The following MACROD2 variants were observed in gnomAD, a reference collection of about 807,000 sequenced individuals.
MACROD2 encodes ADP-ribose glycohydrolase MACROD2.
A neutral mutation model predicts 70.4 loss-of-function variants in MACROD2; 36 were observed. That is an observed-to-expected ratio of 0.51 (90% CI 0.39 to 0.68). The LOEUF (loss-of-function observed/expected upper bound fraction) is 0.68, where lower values mean the gene tolerates loss of function less well. Among genes scored for constraint, MACROD2 ranks in the 30% least tolerant of loss-of-function variants. MACROD2 has a pLI of 0.00. For synonymous variants in MACROD2, 172 were observed against 178.8 expected, an observed-to-expected ratio of 0.96 and a Z score of 0.30; for missense variants, 496 against 538.4, an observed-to-expected ratio of 0.92 and a Z score of 0.78.
At chr20:14,687,094 A>G (rs2071011539) in intron 5 of MACROD2, among the ~76,000 whole-genome samples, 1 of 152,130 alleles carries the variant, frequency 6.6e-6, no homozygotes, top group African/African-American at 2.4e-5. Flanking sequence ...TTCATAATTT[A>G]CCTAACTTAC....
intron 3 of MACROD2, among the ~76,000 whole-genome samples, chr20:14,178,504 C>T (rs1400370849): frequency 6.6e-6 from 1 of 152,020 alleles, no homozygotes; most frequent in African/African-American, 2.4e-5. Flanking sequence ...CTTTTGTGTT[C>T]TGCTCATTTG....
At chr20:15,866,552 C>T (rs766653254) in intron 9 of MACROD2, among the ~76,000 whole-genome samples, 2 of 152,122 alleles carry the variant, frequency 1.3e-5, no homozygotes, top group Non-Finnish European at 2.9e-5. Flanking sequence ...AGCTAGGAAG[C>T]AACAGAGCTG....
At chr20:14,467,119 C>G (rs2084461720) in intron 3 of MACROD2, among the ~76,000 whole-genome samples, 1 of 152,144 alleles carries the variant, frequency 6.6e-6, no homozygotes, top group African/African-American at 2.4e-5. Context: ...TTGTCTGTGC[C>G]CTGCCCCCCA....
chr20:15,241,989 G>A (rs2077064126), intron 6 of MACROD2, among the ~76,000 whole-genome samples: 1 of 152,078 alleles, frequency 6.6e-6, no homozygotes, highest in South Asian at 2.1e-4. Context: ...TCCAAGGCAT[G>A]TATTAAATAT....
intron 5 of MACROD2, among the ~76,000 whole-genome samples, chr20:14,718,901 C>G (rs4814319): frequency 1.3e-5 from 2 of 151,914 alleles, no homozygotes; most frequent in African/African-American, 2.4e-5. Flanking sequence ...GAAAAGGCAG[C>G]CTCCTGTATA....
At chr20:15,170,236 A>G (rs1002139289) in intron 5 of MACROD2, among the ~76,000 whole-genome samples, 1 of 152,224 alleles carries the variant, frequency 6.6e-6, no homozygotes, top group African/African-American at 2.4e-5. Context: ...TGTATTGTTC[A>G]GGGTTCAATT....
intron 3 of MACROD2, among the ~76,000 whole-genome samples, chr20:14,189,641 A>G (rs1160304771): frequency 6.6e-6 from 1 of 152,216 alleles, no homozygotes; most frequent in Non-Finnish European, 1.5e-5. Flanking sequence ...GGTCAGACCC[A>G]TGATGGAATG....
chr20:14,055,632 A>G (rs2053623484), intron 2 of MACROD2, among the ~76,000 whole-genome samples: 1 of 152,094 alleles, frequency 6.6e-6, no homozygotes, highest in South Asian at 2.1e-4. Flanking sequence ...ATGAATGAGA[A>G]TGTCTTTTTG....
chr20:14,237,069 G>C (rs1310774115), intron 3 of MACROD2, among the ~76,000 whole-genome samples: 1 of 151,970 alleles, frequency 6.6e-6, no homozygotes, highest in Non-Finnish European at 1.5e-5. Flanking sequence ...TGGATGGTTA[G>C]TCTTCTTCAA....
chr20:15,162,986 G>T (rs1210719661), intron 5 of MACROD2, among the ~76,000 whole-genome samples: 1 of 151,942 alleles, frequency 6.6e-6, no homozygotes, highest in Non-Finnish European at 1.5e-5. Flanking sequence ...CAAATAAACA[G>T]AATACCATGG....
rs1391060622 is a variant in MACROD2 at position 16,052,930 on chromosome 20, T to G, written c.*3054T>G. ...AAGGAAAATCAGAAAAAAAGTAATTTTCTTGATCAAGATATGTTTTTACTT... is the reference window on the plus strand; with the variant it reads ...AAGGAAAATCAGAAAAAAAGTAATTGTCTTGATCAAGATATGTTTTTACTT... On this transcript the variant is annotated 3_prime_UTR_variant, in exon 18 of 18. Coordinates refer to ENST00000684519, the MANE Select transcript of MACROD2 (RefSeq NM_001351661.2). 6.6e-6 allele frequency: 1 copy of G among 152,640 alleles called. No individual in the cohort carries two copies. The highest frequency in any genetic ancestry group is 1.5e-5 in the Non-Finnish European group (1 of 68,040). 9.5% of individuals were successfully genotyped at this position (152,640 alleles called of 1,614,324 possible). A position where few individuals can be genotyped will look rare whatever the true frequency, so the allele number is the denominator to read the frequency against.
At chr20:15,095,086 T>C (rs796133147) in intron 5 of MACROD2, among the ~76,000 whole-genome samples, 196 of 105,752 alleles carry the variant, frequency 1.9e-3, no homozygotes, top group Non-Finnish European at 3.4e-3. Context: ...TTTTTTTTTT[T>C]TTTTTTTTTA....
chr20:14,688,448 G>T (rs1488484863), intron 5 of MACROD2, among the ~76,000 whole-genome samples: 1 of 152,028 alleles, frequency 6.6e-6, no homozygotes, highest in Non-Finnish European at 1.5e-5. Context: ...CAGATATTTA[G>T]TTTACTTTTC....
At chr20:15,048,825 G>A (rs1353047341) in intron 5 of MACROD2, among the ~76,000 whole-genome samples, 1 of 151,952 alleles carries the variant, frequency 6.6e-6, no homozygotes, top group Admixed American at 6.6e-5. Context: ...TTATAGATGT[G>A]CCTACTGTTA....
chr20:14,217,742 T>A (rs1297361425), intron 3 of MACROD2, among the ~76,000 whole-genome samples: 1 of 152,168 alleles, frequency 6.6e-6, no homozygotes, highest in Non-Finnish European at 1.5e-5. Flanking sequence ...CTAGGAGGGT[T>A]GTATTTTTCC....
At chr20:14,524,516 G>A (rs952642409) in intron 4 of MACROD2, among the ~76,000 whole-genome samples, 2 of 128,972 alleles carry the variant, frequency 1.6e-5, no homozygotes, top group African/African-American at 6.3e-5. Flanking sequence ...CTTTTGTTTT[G>A]TTTCAACGCC....
At chr20:15,277,192 C>T (rs1361460520) in intron 6 of MACROD2, among the ~76,000 whole-genome samples, 1 of 152,154 alleles carries the variant, frequency 6.6e-6, no homozygotes, top group Non-Finnish European at 1.5e-5. Context: ...CATCTTAAGA[C>T]ACTGTAATAT....
At chr20:15,748,956 T>A (rs2051227270) in intron 8 of MACROD2, among the ~76,000 whole-genome samples, 1 of 152,084 alleles carries the variant, frequency 6.6e-6, no homozygotes, top group Admixed American at 6.6e-5. Context: ...AAACCTTGGT[T>A]TACTCATCTA....
intron 5 of MACROD2, among the ~76,000 whole-genome samples, chr20:15,115,914 G>A (rs1002326968): frequency 3.3e-5 from 5 of 152,142 alleles, no homozygotes; most frequent in Non-Finnish European, 7.4e-5. Flanking sequence ...TTCAAAGTGA[G>A]TGTGTAAAGA....
Sources: allele counts gnomAD v4.1 joint callset (sites outside exome capture counted in the v4.1 genomes callset), GRCh38; gene constraint gnomAD v4.1.1; transcripts MANE v1.5; gene names NCBI Gene and HGNC (gene_info 2026-07-23, HGNC 2026-07-21).